Variants in C8orf34 observed in about 807,000 individuals in gnomAD.
C8orf34 encodes uncharacterized protein C8orf34.
In C8orf34, 65 loss-of-function variants were observed where a neutral mutation model predicts 68.3. The ratio of observed to expected loss-of-function variants is 0.95; its 90% confidence interval spans 0.78 to 1.17. C8orf34 has a LOEUF of 1.17. Ranked by LOEUF, C8orf34 falls within the 50% of genes most tolerant of loss-of-function variation. The pLI is 0.00. For synonymous variants in C8orf34, 244 were observed against 241.2 expected, an observed-to-expected ratio of 1.01 and a Z score of -0.11; for missense variants, 664 against 655.4, an observed-to-expected ratio of 1.01 and a Z score of -0.14.
chr8:68,637,350 T>C (rs74970091), intron 7 of C8orf34, among the ~76,000 whole-genome samples: 1,937 of 152,180 alleles, frequency 0.013, 37 homozygotes, highest in African/African-American at 0.043. Flanking sequence ...GCCTGAATAT[T>C]AAAGGGAGGC....
chr8:68,759,976 A>G (rs546375355), intron 10 of C8orf34, among the ~76,000 whole-genome samples: 84 of 152,294 alleles, frequency 5.5e-4, no homozygotes, highest in Middle Eastern at 6.8e-3. Context: ...AGCTGAATGA[A>G]CAGATGTTTG....
intron 8 of C8orf34, among the ~76,000 whole-genome samples, chr8:68,695,257 C>T (rs996714822): frequency 7.2e-5 from 11 of 151,882 alleles, no homozygotes; most frequent in Admixed American, 2.0e-4. Flanking sequence ...ACCGATTCTC[C>T]TGCCTCAACC....
chr8:68,623,927 G>A (rs143495620), intron 7 of C8orf34, among the ~76,000 whole-genome samples: 1 of 152,096 alleles, frequency 6.6e-6, no homozygotes, highest in African/African-American at 2.4e-5. Context: ...CAGTACCTAA[G>A]AGAGTGATTG....
Position 68,427,516 on chromosome 8 carries a change from G to A in C8orf34, c.328-11983G>A, listed in dbSNP as rs552842787. Among the ~76,000 whole-genome samples, 4 of 152,296 alleles carry A rather than the reference G, an allele frequency of 2.6e-5. No homozygotes were observed. In the South Asian group the frequency reaches 8.3e-4, roughly 32 times the overall value. The stretch of plus-strand genomic sequence containing the variant: ...TCTAGCTATAGAGATGGAGAATAGA[G>A]TAGCAGTTGCTAGGGGTTAGATATA... On this transcript the variant is annotated intron_variant, in intron 1 of 13. Transcript: ENST00000518698.
chr8:68,750,501 G>A (rs1242055485), intron 10 of C8orf34, among the ~76,000 whole-genome samples: 2 of 152,066 alleles, frequency 1.3e-5, no homozygotes, highest in Non-Finnish European at 1.5e-5. Flanking sequence ...TTTTCTTTTG[G>A]GGTGATGAAA....
At chr8:68,407,287 C>T (rs1171000172) in intron 1 of C8orf34, among the ~76,000 whole-genome samples, 2 of 151,162 alleles carry the variant, frequency 1.3e-5, no homozygotes. Flanking sequence ...ATAAAGTCTT[C>T]GAAGTTCATG....
At chr8:68,732,070 C>T (rs940200162) in intron 10 of C8orf34, among the ~76,000 whole-genome samples, 4 of 152,146 alleles carry the variant, frequency 2.6e-5, no homozygotes, top group African/African-American at 4.8e-5. Flanking sequence ...GTTAAGATTG[C>T]GTCTGAGATT....
intron 1 of C8orf34, among the ~76,000 whole-genome samples, chr8:68,355,213 A>G (rs965860776): frequency 6.6e-6 from 1 of 152,124 alleles, no homozygotes; most frequent in South Asian, 2.1e-4. Context: ...CTGAAGCTCA[A>G]AGTGTAATGT....
At chr8:68,401,695 A>C (rs1308067638) in intron 1 of C8orf34, among the ~76,000 whole-genome samples, 1 of 151,866 alleles carries the variant, frequency 6.6e-6, no homozygotes, top group Non-Finnish European at 1.5e-5. Context: ...GATGTTTAAC[A>C]TGTATTGATT....
intron 4 of C8orf34, among the ~76,000 whole-genome samples, chr8:68,469,711 A>G (rs1187847738): frequency 6.6e-6 from 1 of 151,996 alleles, no homozygotes; most frequent in Admixed American, 6.6e-5. Flanking sequence ...TTTTATTGCC[A>G]TGGAATACTA....
chr8:68,459,315 C>T lies in C8orf34; in HGVS notation c.608-9377C>T, dbSNP rs958632137. Reference sequence around the variant, plus strand: ...CATGGTCTCAGTTCACTGCAACCTCCGTCTCCCAGGTTCAAGTGATTCTCC... The same window carrying T: ...CATGGTCTCAGTTCACTGCAACCTCTGTCTCCCAGGTTCAAGTGATTCTCC... On this transcript the variant is annotated intron_variant, in intron 3 of 13. Transcript: ENST00000518698. Among the ~76,000 whole-genome samples the T allele has an allele frequency of 6.6e-5, 10 of 152,082 alleles. No homozygotes were observed. In the South Asian group the frequency reaches 8.3e-4, roughly 13 times the overall value.
At chr8:68,569,707 T>G (rs2130251540) in intron 7 of C8orf34, among the ~76,000 whole-genome samples, 1 of 152,348 alleles carries the variant, frequency 6.6e-6, no homozygotes, top group Non-Finnish European at 1.5e-5. Context: ...GTCAGAGTAC[T>G]ACAAACTCTG....
chr8:68,604,522 A>G (rs1348069945), intron 7 of C8orf34, among the ~76,000 whole-genome samples: 1 of 152,096 alleles, frequency 6.6e-6, no homozygotes, highest in East Asian at 1.9e-4. Context: ...AATGACAACA[A>G]TTTTCATGTG....
chr8:68,703,924 T>C (rs1821092492), intron 8 of C8orf34, among the ~76,000 whole-genome samples: 1 of 152,130 alleles, frequency 6.6e-6, no homozygotes, highest in African/African-American at 2.4e-5. Context: ...GCATGATTTT[T>C]ACCACTTTTC....
chr8:68,728,582 T>C (rs1206900375), intron 10 of C8orf34, among the ~76,000 whole-genome samples: 1 of 152,206 alleles, frequency 6.6e-6, no homozygotes, highest in East Asian at 1.9e-4. Context: ...AATACACTTC[T>C]TACATGGCAG....
intron 7 of C8orf34, among the ~76,000 whole-genome samples, chr8:68,582,092 G>T (rs890473672): frequency 6.6e-6 from 1 of 152,084 alleles, no homozygotes; most frequent in Non-Finnish European, 1.5e-5. Context: ...CAGGGTAACC[G>T]GAGAAAGGCA....
intron 8 of C8orf34, among the ~76,000 whole-genome samples, chr8:68,700,951 G>A (rs1484534180): frequency 1.3e-5 from 2 of 152,086 alleles, no homozygotes; most frequent in Non-Finnish European, 1.5e-5. Flanking sequence ...ATTAAAAGCC[G>A]ACTTTAGACG....
chr8:68,806,607 T>C (rs1405102053), intron 12 of C8orf34, among the ~76,000 whole-genome samples: 1 of 152,226 alleles, frequency 6.6e-6, no homozygotes, highest in African/African-American at 2.4e-5. Context: ...CTTTTATTTT[T>C]GCAGCAGTTT....
intron 7 of C8orf34, among the ~76,000 whole-genome samples, chr8:68,543,452 T>C (rs1002874881): frequency 2.6e-5 from 4 of 152,190 alleles, no homozygotes; most frequent in Non-Finnish European, 5.9e-5. Context: ...TTGCATATAG[T>C]GCGTGTAGAA....
Sources: allele counts gnomAD v4.1 joint callset (sites outside exome capture counted in the v4.1 genomes callset), GRCh38; gene constraint gnomAD v4.1.1; transcripts MANE v1.5; gene names NCBI Gene and HGNC (gene_info 2026-07-23, HGNC 2026-07-21).